Variants in ADAMTSL3 observed in about 807,000 individuals in gnomAD.
ADAMTSL3 encodes the protein ADAMTS like 3.
In ADAMTSL3, 128 loss-of-function variants were observed where a neutral mutation model predicts 201.7. That is an observed-to-expected ratio of 0.63 (90% CI 0.55 to 0.73). The LOEUF (loss-of-function observed/expected upper bound fraction) is 0.73, where lower values mean the gene tolerates loss of function less well. ADAMTSL3 is among the 30% of genes least tolerant of loss of function. ADAMTSL3 has a pLI of 0.00. For synonymous variants in ADAMTSL3, 738 were observed against 748.4 expected (o/e 0.99, Z 0.23); for missense variants, 1,990 against 2,119.6 (o/e 0.94, Z 1.20).
chr15:83,982,536 C>T lies in ADAMTSL3; in HGVS notation c.2908C>T (p.His970Tyr). 1 of 1,614,182 alleles carries T rather than the reference C, an allele frequency of 6.2e-7. No individual in the cohort carries two copies. Among genetic ancestry groups the T allele is most frequent in the Non-Finnish European group, 8.5e-7 (1 of 1,180,026 alleles). ...CACCAAGTCAGGCTCACTAAAAATC[C>T]ATGGTCTTGCTGCCCCCGACATCGG... ...GITKSGSLKI[H>Y]GLAAPDIGVY... Residue 970 changes from histidine to tyrosine, a missense_variant, in exon 21 of 30, where the codon CAT becomes TAT. By Grantham distance (83) the His-to-Tyr change is moderately conservative (BLOSUM62 2). Coordinates refer to ENST00000286744, the MANE Select transcript of ADAMTSL3 (RefSeq NM_207517.3).
chr15:83,674,726 C>CATATATACACAT (rs1312608019), intron 2 of ADAMTSL3, among the ~76,000 whole-genome samples: 2 of 131,776 alleles, frequency 1.5e-5, no homozygotes, highest in Non-Finnish European at 3.2e-5. Flanking sequence ...CACATATATA[C>CATATATACACAT]ATATATACAC....
chr15:83,751,542 T>C (rs1045600166), intron 3 of ADAMTSL3, among the ~76,000 whole-genome samples: 2 of 152,190 alleles, frequency 1.3e-5, no homozygotes, highest in African/African-American at 2.4e-5. Flanking sequence ...TGGTGCTTTT[T>C]TTCTGATGTA....
At chr15:84,028,751 A>G (rs72478432) in intron 27 of ADAMTSL3, among the ~76,000 whole-genome samples, 13,797 of 152,184 alleles carry the variant, frequency 0.091, 784 homozygotes, top group East Asian at 0.21. Flanking sequence ...CCCAGATCTC[A>G]TCTTGAATTA....
intron 24 of ADAMTSL3, 49 bp downstream of exon 24, chr15:84,014,773 C>T: frequency 6.6e-7 from 1 of 1,519,174 alleles, no homozygotes; most frequent in Non-Finnish European, 8.9e-7. Context: ...GTAATATGCA[C>T]AAAGTAGGCC....
intron 28 of ADAMTSL3, among the ~76,000 whole-genome samples, chr15:84,035,757 G>C (rs1381268581): frequency 6.6e-6 from 1 of 152,220 alleles, no homozygotes; most frequent in East Asian, 1.9e-4. Context: ...AGAATCCAAA[G>C]GGAGAACAGG....
intron 6 of ADAMTSL3, among the ~76,000 whole-genome samples, chr15:83,829,062 C>A (rs1049619229): frequency 6.6e-6 from 1 of 152,132 alleles, no homozygotes; most frequent in African/African-American, 2.4e-5. Flanking sequence ...GGGAGGATTC[C>A]CTCTTTTTCT....
chr15:83,821,694 T>C (rs1175855608), intron 6 of ADAMTSL3, among the ~76,000 whole-genome samples: 1 of 152,120 alleles, frequency 6.6e-6, no homozygotes, highest in Non-Finnish European at 1.5e-5. Flanking sequence ...TCCCCACCTT[T>C]CCCCACTTTC....
chr15:83,699,100 A>G (rs1476710992), intron 2 of ADAMTSL3, among the ~76,000 whole-genome samples: 1 of 152,062 alleles, frequency 6.6e-6, no homozygotes, highest in Admixed American at 6.6e-5. Flanking sequence ...TTGTAAATAT[A>G]TGTAAATATA....
chr15:83,681,939 T>C (rs939525723), intron 2 of ADAMTSL3, among the ~76,000 whole-genome samples: 2 of 152,256 alleles, frequency 1.3e-5, no homozygotes. Flanking sequence ...CTTCTTTTTT[T>C]ATTTGATCCT....
chr15:83,782,248 G>A (rs972100287), intron 4 of ADAMTSL3, among the ~76,000 whole-genome samples: 1 of 152,102 alleles, frequency 6.6e-6, no homozygotes, highest in Non-Finnish European at 1.5e-5. Flanking sequence ...AGGCTGAGGT[G>A]GGTGGATCAC....
chr15:83,725,415 T>A (rs901088104), intron 3 of ADAMTSL3, among the ~76,000 whole-genome samples: 1 of 152,200 alleles, frequency 6.6e-6, no homozygotes, highest in Non-Finnish European at 1.5e-5. Context: ...ATCCCACTTG[T>A]CTTCTTTTGC....
rs201680018 is a variant in ADAMTSL3, at chr15:84,031,294, A to C, written c.4657-41A>C. ...GATCTTAGTACACACAGCATGGATGAGCTTGCAGGATTTACACTGCACTGT... is the reference window on the plus strand; with the variant it reads ...GATCTTAGTACACACAGCATGGATGCGCTTGCAGGATTTACACTGCACTGT... On this transcript the variant is annotated intron_variant, in intron 27 of 29. Transcript: ENST00000286744. 3.1e-6 allele frequency: 5 copies of C among 1,588,758 alleles called. No individual in the cohort carries two copies. The African/African-American group carries it at 6.7e-5, about 21-fold the overall frequency.
At chr15:83,714,876 CCCT>C (rs2061990933) in intron 3 of ADAMTSL3, among the ~76,000 whole-genome samples, 5 of 22,104 alleles carry the variant, frequency 2.3e-4, no homozygotes, top group East Asian at 5.7e-3. Context: ...CTCCCTCCCT[CCCT>C]TCCTTCCTTC....
intron 10 of ADAMTSL3, among the ~76,000 whole-genome samples, chr15:83,885,798 C>T (rs560641382): frequency 3.3e-5 from 5 of 152,028 alleles, no homozygotes; most frequent in Admixed American, 6.5e-5. Context: ...AATCTCGGCT[C>T]GCTGCAACCT....
In ADAMTSL3 at chr15:83,913,221, A is replaced by G. The variant is rs765074676; in HGVS notation, c.1830A>G (p.Glu610=). ...CTGAGCTGCCCGAGGAAGAGTGTGA[A>G]GGCCCCAAGCTGCCCACCGAACGGC... ...TETELPEEEC[E]GPKLPTERPC... Residue 610 remains glutamate, a synonymous_variant, in exon 16 of 30, where the codon GAA becomes GAG. Transcript: ENST00000286744. The G allele has an allele frequency of 1.9e-6, 3 of 1,614,024 alleles. No homozygotes were observed. Among genetic ancestry groups the G allele is most frequent in the South Asian group, 2.2e-5 (2 of 91,056 alleles).
At chr15:83,725,364 C>T (rs1321772388) in intron 3 of ADAMTSL3, among the ~76,000 whole-genome samples, 1 of 152,046 alleles carries the variant, frequency 6.6e-6, no homozygotes, top group Non-Finnish European at 1.5e-5. Context: ...TCATCTCAGC[C>T]TCTTGAGTAG....
At chr15:83,887,145 G>A (rs895334547) in intron 10 of ADAMTSL3, among the ~76,000 whole-genome samples, 2 of 152,214 alleles carry the variant, frequency 1.3e-5, no homozygotes, top group East Asian at 3.9e-4. Flanking sequence ...CCCAGAGTGT[G>A]GCTCATCCTC....
At chr15:83,911,081 A>G (rs2065924079) in intron 15 of ADAMTSL3, among the ~76,000 whole-genome samples, 1 of 152,228 alleles carries the variant, frequency 6.6e-6, no homozygotes, top group African/African-American at 2.4e-5. Flanking sequence ...AAAGAGAGAA[A>G]AAATTAATGA....
chr15:83,854,367 G>A (rs996457973), intron 7 of ADAMTSL3, among the ~76,000 whole-genome samples: 2 of 152,070 alleles, frequency 1.3e-5, no homozygotes, highest in African/African-American at 2.4e-5. Context: ...TCTCCCTCAC[G>A]TAATTCCTGT....
Sources: allele counts gnomAD v4.1 joint callset (sites outside exome capture counted in the v4.1 genomes callset), GRCh38; gene constraint gnomAD v4.1.1; transcripts MANE v1.5; gene names NCBI Gene and HGNC (gene_info 2026-07-23, HGNC 2026-07-21).